Variants in PXYLP1 observed in about 807,000 individuals in gnomAD.
The protein encoded by PXYLP1 is acid phosphatase-like 2.
A neutral mutation model predicts 37.9 loss-of-function variants in PXYLP1; 17 were observed. The ratio of observed to expected loss-of-function variants is 0.45; its 90% CI spans 0.31 to 0.67. The LOEUF is 0.67. Among genes scored for constraint, PXYLP1 ranks in the 30% least tolerant of loss-of-function variants. The probability of loss-of-function intolerance (pLI) is 0.07; values close to 1 mark genes in which losing one functional copy is unlikely to be tolerated. For synonymous variants in PXYLP1, 221 were observed against 232.2 expected (o/e 0.95, Z 0.44); for missense variants, 511 against 612.0 (o/e 0.84, Z 1.74).
chr3:141,265,518 C>T (rs1941487272), intron 2 of PXYLP1, among the ~76,000 whole-genome samples: 1 of 151,954 alleles, frequency 6.6e-6, no homozygotes, highest in African/African-American at 2.4e-5. Context: ...ACCTCAGAGG[C>T]TGTTTTGCTC....
At chr3:141,274,521 C>T (rs958537133) in intron 2 of PXYLP1, 3 of 1,483,694 alleles carry the variant, frequency 2.0e-6, no homozygotes, top group Admixed American at 3.9e-5. Flanking sequence ...GTTTGGATGC[C>T]CCTCACCCCA....
chr3:141,276,250 G>T (rs1941792052), intron 2 of PXYLP1, among the ~76,000 whole-genome samples: 1 of 152,218 alleles, frequency 6.6e-6, no homozygotes, highest in African/African-American at 2.4e-5. Flanking sequence ...GTATATGTGT[G>T]TGCGAATATA....
At chr3:141,280,923 G>A (rs77128543) in intron 4 of PXYLP1, among the ~76,000 whole-genome samples, 15,946 of 152,190 alleles carry the variant, frequency 0.1, 943 homozygotes, top group African/African-American at 0.15. Context: ...TTCCATCCAC[G>A]ATGCCACACC....
At chr3:141,274,406 T>C in intron 2 of PXYLP1, 1 of 1,455,720 alleles carries the variant, frequency 6.9e-7, no homozygotes, top group Non-Finnish European at 9.0e-7. Flanking sequence ...TCTGCCATGT[T>C]TGGCTGTGTT....
In PXYLP1 at chr3:141,293,595, C is replaced by G. The variant is rs747562275; in HGVS notation, c.*390C>G. On this transcript the variant is annotated 3_prime_UTR_variant, in exon 6 of 6. Coordinates refer to ENST00000286353, the MANE Select transcript of PXYLP1 (RefSeq NM_001037172.3). ...TTAATCTTAGACATTTTTACCTTGT[C>G]CTTGTTAAGAATTTCTTGAAGTGAT... 5 of 172,706 alleles carry G rather than the reference C, an allele frequency of 2.9e-5. No individual in the cohort carries two copies. The highest frequency in any genetic ancestry group is 4.8e-5 in the African/African-American group (2 of 42,002). 10.7% of individuals were successfully genotyped at this position (172,706 alleles called of 1,614,324 possible).
intron 4 of PXYLP1, among the ~76,000 whole-genome samples, chr3:141,282,614 G>A (rs1941980748): frequency 6.6e-6 from 1 of 152,198 alleles, no homozygotes; most frequent in South Asian, 2.1e-4. Flanking sequence ...TGCATTCCAA[G>A]TGCTTAGGAC....
intron 2 of PXYLP1, among the ~76,000 whole-genome samples, chr3:141,268,231 G>GTT (rs1941579328): frequency 1.3e-5 from 2 of 151,660 alleles, no homozygotes; most frequent in African/African-American, 4.9e-5. Context: ...GTGTGTGTGT[G>GTT]TGTGTGTGTG....
chr3:141,233,463 CAAAAA>C (rs5853024), intron 1 of PXYLP1, among the ~76,000 whole-genome samples: 31 of 79,388 alleles, frequency 3.9e-4, no homozygotes, highest in African/African-American at 1.3e-3. Context: ...AAAACCCTGT[CAAAAA>C]AAAAAAAAAA....
At chr3:141,270,487 G>A (rs1457460487) in intron 2 of PXYLP1, among the ~76,000 whole-genome samples, 1 of 152,216 alleles carries the variant, frequency 6.6e-6, no homozygotes, top group Non-Finnish European at 1.5e-5. Context: ...GACAGGGCGG[G>A]CATTTAAGAT....
In PXYLP1 at chr3:141,292,584, C is replaced by A; in HGVS notation, c.822C>A (p.Thr274=). The change falls in exon 6 of 6, where the codon ACC becomes ACA. Residue 274 remains threonine, a synonymous_variant. Transcript: ENST00000286353. The surrounding 1 kb of genome is among the most constrained non-coding windows in gnomAD (Gnocchi z 4.3). Reference sequence around the variant, plus strand: ...TGAAAAACAGCCAGCTGGAGAAGACCTACGGGGAGATGGCCAAGATCGTGG... The same window carrying A: ...TGAAAAACAGCCAGCTGGAGAAGACATACGGGGAGATGGCCAAGATCGTGG... ...LRLKNSQLEK[T]YGEMAKIVDV... 1.2e-6 allele frequency: 2 copies of A among 1,614,098 alleles called. No individual in the cohort carries two copies. The highest frequency in any genetic ancestry group is 1.7e-6 in the Non-Finnish European group (2 of 1,180,034).
At chr3:141,249,711 T>G (rs1576580699) in intron 1 of PXYLP1, among the ~76,000 whole-genome samples, 1 of 152,214 alleles carries the variant, frequency 6.6e-6, no homozygotes, top group East Asian at 1.9e-4. Flanking sequence ...CTGTCTTTGT[T>G]GAGGTACTTA....
intron 1 of PXYLP1, among the ~76,000 whole-genome samples, chr3:141,243,174 G>A (rs1215968690): frequency 6.6e-6 from 1 of 152,116 alleles, no homozygotes; most frequent in Admixed American, 6.5e-5. Context: ...GCCTGGCCTG[G>A]TCTACTGAAC....
At chr3:141,291,271 C>G in intron 5 of PXYLP1, among the ~76,000 whole-genome samples, 1 of 151,486 alleles carries the variant, frequency 6.6e-6, no homozygotes, top group Middle Eastern at 3.4e-3. Flanking sequence ...GATTGTGTCC[C>G]GTTACCTCCT....
At position 141,277,997 on chromosome 3, in the gene PXYLP1, G is replaced by C. The variant is rs74358906; in HGVS notation, c.80-345G>C. ...AGGAATGATGGTTTTCCTCCTTCTT[G>C]TTGTTACTGGAATTAAAGGGCATTA... On this transcript the variant is annotated intron_variant, in intron 2 of 5. Transcript: ENST00000286353. 1.9e-3 allele frequency among the ~76,000 whole-genome samples: 283 copies of C among 152,314 alleles called. 1 individual carries two copies. Among genetic ancestry groups the C allele is most frequent in the African/African-American group, 6.3e-3 (263 of 41,566 alleles).
At chr3:141,233,041 G>GGCGTGAAGCTGGCAGTGC (rs1553750049) in intron 1 of PXYLP1, among the ~76,000 whole-genome samples, 25 of 151,336 alleles carry the variant, frequency 1.7e-4, no homozygotes, top group South Asian at 2.1e-4. Context: ...AAGGCCCGTG[G>GGCGTGAAGCTGGCAGTGC]GTGTGAAGCT....
intron 2 of PXYLP1, 71 bp downstream of exon 2, chr3:141,260,325 C>CT (rs1941361401): frequency 5.2e-6 from 8 of 1,534,360 alleles, no homozygotes; most frequent in Non-Finnish European, 7.1e-6. Context: ...GCCCCAAAGG[C>CT]TTGTTTTATA....
At position 141,248,013 on chromosome 3, in the gene PXYLP1, T is replaced by TTTTTG. The variant is rs1284795859; in HGVS notation, c.-53-12100_-53-12096dup. Among the ~76,000 whole-genome samples, 190 of 116,732 alleles carry TTTTTG rather than the reference T, an allele frequency of 1.6e-3. 4 individuals carry two copies. Among genetic ancestry groups the TTTTTG allele is most frequent in the African/African-American group, 4.6e-3 (123 of 26,692 alleles). The allele number at this position is 116,732 out of a possible 152,430, so 76.6% of individuals were successfully genotyped here. A position where few individuals can be genotyped will look rare whatever the true frequency, so the allele number is the denominator to read the frequency against. ...ATCAAAGCTTCGGAGCTTTTAAGAGTTTTTGTTTTGTTTTTTTTTTTTTTT... is the reference window on the plus strand; with the variant it reads ...ATCAAAGCTTCGGAGCTTTTAAGAGTTTTTGTTTTGTTTTGTTTTTTTTTTTTTTT... On this transcript the variant is annotated intron_variant, in intron 1 of 5. Transcript: ENST00000286353.
chr3:141,274,752 T>C lies in PXYLP1; in HGVS notation c.80-3590T>C, dbSNP rs1941751425. 7.5e-6 allele frequency: 5 copies of C among 669,466 alleles called. No individual in the cohort carries two copies. In the Admixed American group the frequency reaches 8.3e-5, roughly 11 times the overall value. 41.5% of individuals were successfully genotyped at this position (669,466 alleles called of 1,614,324 possible). The stretch of plus-strand genomic sequence containing the variant: ...GGGACACCCCTGCTTGCATATACTA[T>C]GCTGTGAGCCATGACGGCAGCAGGA... On this transcript the variant is annotated intron_variant, in intron 2 of 5. Transcript: ENST00000286353.
At chr3:141,284,260 A>G (rs1942020223) in intron 4 of PXYLP1, among the ~76,000 whole-genome samples, 1 of 152,092 alleles carries the variant, frequency 6.6e-6, no homozygotes, top group Non-Finnish European at 1.5e-5. Flanking sequence ...TGTTTCTACC[A>G]TCCCCTGGGG....
Sources: gnomAD v4.1 joint callset for allele counts (sites outside exome capture counted in the v4.1 genomes callset) on GRCh38, gnomAD v4.1.1 for gene constraint, Gnocchi (gnomAD v3.1) non-coding constraint, MANE v1.5 for transcripts, NCBI Gene and HGNC (gene_info 2026-07-23, HGNC 2026-07-21) for gene names.